The following WDR17 variants were observed in gnomAD, a reference collection of about 807,000 sequenced individuals.
WDR17 encodes WD repeat-containing protein 17.
Under a neutral mutation model 161.7 loss-of-function variants are expected in WDR17, and 143 were observed. The observed-to-expected ratio is 0.88, with a 90% CI of 0.77 to 1.02. The LOEUF is 1.02. Among genes scored for constraint, WDR17 ranks in the 50% least tolerant of loss-of-function variants. The pLI is 0.00. For synonymous variants in WDR17, 517 were observed against 515.6 expected (o/e 1.00, Z -0.04); for missense variants, 1,469 against 1,520.9 (o/e 0.97, Z 0.57).
rs1339784528 is a variant in WDR17 at position 176,125,317 on chromosome 4, C to T, written c.752C>T (p.Ala251Val). ...GCAGCAGCTTCTGTACAGTGCTTAGCCTGGGTTCCCAGTGCTCCTGGGATG... is the reference window on the plus strand; with the variant it reads ...GCAGCAGCTTCTGTACAGTGCTTAGTCTGGGTTCCCAGTGCTCCTGGGATG... Reference protein sequence around the residue: ...PSAAASVQCLAWVPSAPGMFI... With the variant: ...PSAAASVQCLVWVPSAPGMFI... Residue 251 changes from alanine (A) to valine (V), a missense_variant, in exon 5 of 29, where the codon GCC (alanine) becomes GTC (valine). Transcript: ENST00000508596. 1 of 1,614,098 alleles carries T rather than the reference C, an allele frequency of 6.2e-7. No individual in the cohort carries two copies. Among genetic ancestry groups the T allele is most frequent in the South Asian group, 1.1e-5 (1 of 91,074 alleles).
chr4:176,148,715 A>G lies in WDR17; in HGVS notation c.1897+380A>G, dbSNP rs141512856. Among the ~76,000 whole-genome samples the G allele has an allele frequency of 2.9e-3, 439 of 152,342 alleles. 3 individuals are homozygous for G. The highest frequency in any genetic ancestry group is 0.01 in the African/African-American group (424 of 41,570). ...TCCAGAGGTAAGTTGTTTAACAGGA[A>G]ATCAGTAATAGAGTAGATACCACTT... is the stretch of plus-strand genomic sequence containing the variant. On this transcript the variant is annotated intron_variant, in intron 13 of 28. Coordinates refer to ENST00000508596, the MANE Select transcript of WDR17 (RefSeq NM_181265.4).
intron 3 of WDR17, among the ~76,000 whole-genome samples, 185 bp from the exon 4 acceptor site, chr4:176,119,682 T>C (rs1741229278): frequency 6.6e-6 from 1 of 152,360 alleles, no homozygotes; most frequent in East Asian, 1.9e-4. Context: ...TCTTTCATCA[T>C]GGACTTTCCC....
chr4:176,176,313 G>A lies in WDR17; in HGVS notation c.3450-745G>A, dbSNP rs376043507. Among the ~76,000 whole-genome samples the A allele has an allele frequency of 2.0e-5, 3 of 152,160 alleles. No individual in the cohort carries two copies. The East Asian group carries it at 5.8e-4, about 29-fold the overall frequency. On this transcript the variant is annotated intron_variant, in intron 26 of 28. Coordinates refer to ENST00000508596, the MANE Select transcript of WDR17 (RefSeq NM_181265.4). ...AAATTGATAATTTCCTAATATTAAAGAATGTATCGTCTCTGACAGTTCCAT... is the reference window on the plus strand; with the variant it reads ...AAATTGATAATTTCCTAATATTAAAAAATGTATCGTCTCTGACAGTTCCAT...
intron 1 of WDR17, among the ~76,000 whole-genome samples, chr4:176,075,794 T>C (rs11133130): frequency 0.52 from 79,363 of 151,746 alleles, 22,156 homozygotes; most frequent in South Asian, 0.63. Context: ...AACATAGTGA[T>C]GCCCTATGTC....
chr4:176,098,676 T>C (rs897068566), intron 1 of WDR17, among the ~76,000 whole-genome samples: 1 of 152,012 alleles, frequency 6.6e-6, no homozygotes, highest in African/African-American at 2.4e-5. Context: ...TTAGTCCTTT[T>C]GCAAAAATAA....
At chr4:176,083,850 G>T (rs34130223) in intron 1 of WDR17, among the ~76,000 whole-genome samples, 94,159 of 151,874 alleles carry the variant, frequency 0.62, 29,437 homozygotes, top group South Asian at 0.64. Flanking sequence ...GTATTGTGCA[G>T]TTTAGTCCTT....
chr4:176,152,294 C>CAAAAA (rs397837505), intron 17 of WDR17, among the ~76,000 whole-genome samples: 22 of 72,136 alleles, frequency 3.0e-4, no homozygotes, highest in African/African-American at 8.6e-4. Flanking sequence ...GACCCTATCT[C>CAAAAA]AAAAAAAAAA....
intron 7 of WDR17, among the ~76,000 whole-genome samples, chr4:176,134,494 G>A (rs1744080820): frequency 6.6e-6 from 1 of 151,544 alleles, no homozygotes; most frequent in Non-Finnish European, 1.5e-5. Flanking sequence ...TAGTCTTGTG[G>A]GTGTTTGGGA....
At position 176,137,506 on chromosome 4, in the gene WDR17, A is replaced by G. The variant is rs1002341554; in HGVS notation, c.1268-14A>G. ...GAAACATTTAGTATAATGTCTAACA[A>G]ATTGTTTCCTAAGGTGGTTTAAATT... On this transcript the variant is annotated splice_polypyrimidine_tract_variant and intron_variant, in intron 8 of 28. Coordinates refer to ENST00000508596, the MANE Select transcript of WDR17 (RefSeq NM_181265.4). 1.9e-6 allele frequency: 3 copies of G among 1,592,862 alleles called. No homozygotes were observed. The highest frequency in any genetic ancestry group is 2.3e-5 in the East Asian group (1 of 44,348).
intron 1 of WDR17, among the ~76,000 whole-genome samples, chr4:176,097,736 C>T (rs1279265743): frequency 8.4e-6 from 1 of 118,474 alleles, no homozygotes; most frequent in Non-Finnish European, 1.8e-5. Flanking sequence ...CACACACACA[C>T]ACACATACAC....
At chr4:176,094,025 T>C (rs1006937352) in intron 1 of WDR17, among the ~76,000 whole-genome samples, 30 of 152,186 alleles carry the variant, frequency 2.0e-4, no homozygotes, top group African/African-American at 7.0e-4. Context: ...ACTGGACTTA[T>C]AATAGTATAA....
chr4:176,141,089 T>C (rs1745181955), intron 10 of WDR17, among the ~76,000 whole-genome samples: 1 of 152,136 alleles, frequency 6.6e-6, no homozygotes, highest in Non-Finnish European at 1.5e-5. Flanking sequence ...TAGTACACGC[T>C]TTTTTTCTGA....
In WDR17 at chr4:176,160,955, T is replaced by A; in HGVS notation, c.2703T>A (p.Pro901=). 10 of 1,611,094 alleles carry A rather than the reference T, an allele frequency of 6.2e-6. No homozygotes were observed. Among genetic ancestry groups the A allele is most frequent in the Non-Finnish European group, 8.5e-6 (10 of 1,178,684 alleles). Residue 901 remains proline (P), a synonymous_variant, in exon 20 of 29, where the codon CCT becomes CCA. Transcript: ENST00000508596. The part of the protein sequence containing the change: ...GNMQPLHVSV[P]KGASYSDDIY... ...TGCAGCCCTTACATGTTTCCGTGCC[T>A]AAAGGAGCTTCATATTCTGATGATA...
chr4:176,159,834 C>T (rs1166352261), intron 18 of WDR17, among the ~76,000 whole-genome samples, 160 bp from the exon 19 acceptor site: 1 of 152,136 alleles, frequency 6.6e-6, no homozygotes, highest in Non-Finnish European at 1.5e-5. Flanking sequence ...TATCTGCCTT[C>T]CACATGTAAT....
chr4:176,167,617 A>T (rs185239329), intron 22 of WDR17, among the ~76,000 whole-genome samples: 4,262 of 122,054 alleles, frequency 0.035, 225 homozygotes, highest in African/African-American at 0.12. Context: ...ACTGCACTCC[A>T]GCCTGGGCGA....
chr4:176,130,935 T>G (rs5016793), intron 6 of WDR17, among the ~76,000 whole-genome samples: 38,046 of 151,684 alleles, frequency 0.25, 4,861 homozygotes, highest in African/African-American at 0.29. Context: ...ATAAAAATAA[T>G]CACAGTGATA....
At chr4:176,174,584 G>A (rs1402921479) in intron 25 of WDR17, 33 bp from the exon 26 acceptor site, 1 of 1,502,240 alleles carries the variant, frequency 6.7e-7, no homozygotes, top group Admixed American at 1.8e-5. Context: ...CTCAAATTGT[G>A]GAATTTATAA....
intron 1 of WDR17, among the ~76,000 whole-genome samples, chr4:176,099,850 C>G (rs906469846): frequency 6.6e-6 from 1 of 151,992 alleles, no homozygotes; most frequent in Non-Finnish European, 1.5e-5. Flanking sequence ...ATATGTGACT[C>G]TCTGTGCATG....
chr4:176,173,215 A>G (rs1208498031), intron 24 of WDR17, 52 bp from the exon 25 acceptor site: 1 of 1,236,388 alleles, frequency 8.1e-7, no homozygotes, highest in Non-Finnish European at 1.1e-6. Context: ...ATGGATGAAT[A>G]AATTTTGAGA....
Sources: allele counts gnomAD v4.1 joint callset (sites outside exome capture counted in the v4.1 genomes callset), GRCh38; gene constraint gnomAD v4.1.1; transcripts MANE v1.5; gene names NCBI Gene and HGNC (gene_info 2026-07-23, HGNC 2026-07-21).